ADAM10: variants seen among roughly 807,000 people sequenced by gnomAD.
The protein encoded by ADAM10 is disintegrin and metalloproteinase domain-containing protein 10.
Under a neutral mutation model 90.1 loss-of-function variants are expected in ADAM10, and 17 were observed. The observed-to-expected ratio is 0.19, with a 90% CI of 0.13 to 0.28. ADAM10 has a LOEUF of 0.28. Ranked by LOEUF, ADAM10 falls within the 10% of genes least tolerant of loss-of-function variation. The pLI, the probability that ADAM10 is intolerant of heterozygous loss-of-function variation, is 1.00. For synonymous variants in ADAM10, 310 were observed against 298.6 expected, an observed-to-expected ratio of 1.04 and a Z score of -0.40; for missense variants, 610 against 914.3, an observed-to-expected ratio of 0.67 and a Z score of 4.29.
intron 1 of ADAM10, among the ~76,000 whole-genome samples, chr15:58,736,191 G>A (rs1255652282): frequency 1.3e-5 from 2 of 152,132 alleles, no homozygotes; most frequent in African/African-American, 4.8e-5. Context: ...TCAAGGCTAT[G>A]TTATTGTGCT....
intron 1 of ADAM10, among the ~76,000 whole-genome samples, chr15:58,721,886 G>A (rs1175315869): frequency 6.6e-6 from 1 of 151,090 alleles, no homozygotes; most frequent in Non-Finnish European, 1.5e-5. Flanking sequence ...AAAATAGCTG[G>A]GCATGGTGGC....
At chr15:58,717,780 A>G in intron 1 of ADAM10, 53 bp from the exon 2 acceptor site, 1 of 1,581,086 alleles carries the variant, frequency 6.3e-7, no homozygotes, top group Non-Finnish European at 8.6e-7. Context: ...GACCCCTTCT[A>G]GTTCTAACAC....
intron 4 of ADAM10, 40 bp from the exon 5 acceptor site, chr15:58,665,237 T>C (rs1897052948): frequency 7.2e-7 from 1 of 1,388,328 alleles, no homozygotes; most frequent in Non-Finnish European, 1.0e-6. Context: ...ATCACACATT[T>C]AGGTATAACC....
chr15:58,623,686 C>T lies in ADAM10; in HGVS notation c.1361-2065G>A, dbSNP rs370311057. On this transcript the variant is annotated intron_variant, in intron 10 of 15. Transcript: ENST00000260408. ...CAGGGACATGGATGAAGCTAGAAGC[C>T]ATCATACCCAGAAAACTAACACAGG... Among the ~76,000 whole-genome samples, 4 of 152,196 alleles carry T rather than the reference C, an allele frequency of 2.6e-5. No homozygotes were observed. The East Asian group carries it at 7.7e-4, about 29-fold the overall frequency.
intron 2 of ADAM10, among the ~76,000 whole-genome samples, chr15:58,704,379 T>C (rs932665128): frequency 2.0e-5 from 3 of 152,144 alleles, no homozygotes; most frequent in African/African-American, 4.8e-5. Flanking sequence ...ATGGTGACGG[T>C]TGCACAACGT....
chr15:58,632,421 C>G lies in ADAM10; in HGVS notation c.1176+775G>C, dbSNP rs116888857. On this transcript the variant is annotated intron_variant, in intron 9 of 15. Coordinates refer to ENST00000260408, the MANE Select transcript of ADAM10 (RefSeq NM_001110.4). ...ATGTCAAAATCTTCACAATTATTGG[C>G]TCTGAATTAGGGGTTGACAAAGTAG... Among the ~76,000 whole-genome samples, 231 of 152,252 alleles carry G rather than the reference C, an allele frequency of 1.5e-3. 1 individual carries two copies. Among genetic ancestry groups the G allele is most frequent in the Non-Finnish European group, 2.8e-3 (188 of 68,008 alleles).
At chr15:58,698,368 T>G (rs1247556262) in intron 2 of ADAM10, 2 of 400,982 alleles carry the variant, frequency 5.0e-6, no homozygotes, top group Non-Finnish European at 4.8e-6. Context: ...ACCCAGGAGT[T>G]TGAGACCAGC....
intron 1 of ADAM10, among the ~76,000 whole-genome samples, chr15:58,738,895 G>C (rs1271271228): frequency 6.6e-6 from 1 of 152,030 alleles, no homozygotes; most frequent in Non-Finnish European, 1.5e-5. Flanking sequence ...CAGTAATAGA[G>C]TATGACTTTC....
At chr15:58,610,686 T>C (rs1452755370) in intron 13 of ADAM10, 169 bp from the exon 14 acceptor site, 29 of 720,012 alleles carry the variant, frequency 4.0e-5, no homozygotes, top group Non-Finnish European at 2.4e-6. Flanking sequence ...GTAATTCATA[T>C]TAAATGTTAC....
rs1361294567 is a variant in ADAM10 at position 58,619,903 on chromosome 15, C to CA, written c.1511+1567dup. On this transcript the variant is annotated intron_variant, in intron 11 of 15. Coordinates refer to ENST00000260408, the MANE Select transcript of ADAM10 (RefSeq NM_001110.4). ...TGGGCGACAGTGCAAGACTCCATCT[C>CA]AAAAAAAAAAATTTAAAAAAAGGAA... 1.6e-3 allele frequency among the ~76,000 whole-genome samples: 222 copies of CA among 142,498 alleles called. 2 individuals are homozygous for CA. Among genetic ancestry groups the CA allele is most frequent in the African/African-American group, 4.7e-3 (183 of 38,776 alleles). The allele number at this position is 142,498 out of a possible 152,430, so 93.5% of individuals were successfully genotyped here.
At chr15:58,607,499 C>G (rs1895310660) in intron 14 of ADAM10, among the ~76,000 whole-genome samples, 1 of 152,106 alleles carries the variant, frequency 6.6e-6, no homozygotes, top group Admixed American at 6.5e-5. Flanking sequence ...ATTCATTTGA[C>G]CATTGAAGGC....
intron 1 of ADAM10, 84 bp downstream of exon 1, chr15:58,749,396 C>T: frequency 7.7e-7 from 1 of 1,302,478 alleles, no homozygotes; most frequent in Non-Finnish European, 9.8e-7. Flanking sequence ...ACGCGCACGC[C>T]GCGAGGCGCG....
intron 8 of ADAM10, among the ~76,000 whole-genome samples, chr15:58,638,685 C>T (rs1317241980): frequency 6.6e-6 from 1 of 151,622 alleles, no homozygotes; most frequent in Non-Finnish European, 1.5e-5. Context: ...ACTCTCCCCA[C>T]CTCAGGAAAA....
chr15:58,720,639 G>A (rs1292431300), intron 1 of ADAM10, among the ~76,000 whole-genome samples: 3 of 150,566 alleles, frequency 2.0e-5, no homozygotes, highest in Admixed American at 1.3e-4. Context: ...CTGACCTCGT[G>A]ATCCGCCCAC....
intron 14 of ADAM10, among the ~76,000 whole-genome samples, chr15:58,605,369 G>C (rs1895240137): frequency 1.3e-5 from 2 of 152,042 alleles, no homozygotes; most frequent in South Asian, 2.1e-4. Context: ...CATGGCAATA[G>C]ACAAAAGACA....
intron 14 of ADAM10, among the ~76,000 whole-genome samples, chr15:58,605,074 C>A (rs764950449): frequency 6.6e-5 from 10 of 152,132 alleles, no homozygotes; most frequent in Non-Finnish European, 1.3e-4. Flanking sequence ...CGAGTACACG[C>A]TATGGCAGTA....
In ADAM10 at chr15:58,599,594, T is replaced by C; in HGVS notation, c.2152+4A>G. The C allele has an allele frequency of 6.2e-7, 1 of 1,613,112 alleles. No homozygotes were observed. The highest frequency in any genetic ancestry group is 8.5e-7 in the Non-Finnish European group (1 of 1,179,336). On this transcript the variant is annotated splice_donor_region_variant and intron_variant, in intron 15 of 15. Transcript: ENST00000260408. ...AAATATGTATCTTGCTCAAATATTC[T>C]TACCTGGAAGTGGTTTAGGAGGAGG...
intron 1 of ADAM10, among the ~76,000 whole-genome samples, chr15:58,741,039 AG>A (rs1477365674): frequency 2.6e-5 from 4 of 152,202 alleles, no homozygotes; most frequent in East Asian, 3.9e-4. Flanking sequence ...TCCTAGGAAA[AG>A]GGGTAGTAAA....
chr15:58,678,336 T>C (rs1341505011), intron 4 of ADAM10, among the ~76,000 whole-genome samples: 1 of 152,062 alleles, frequency 6.6e-6, no homozygotes, highest in Non-Finnish European at 1.5e-5. Flanking sequence ...AAGAATAAAA[T>C]CATTGACAAT....
Sources: gnomAD v4.1 joint callset for allele counts (sites outside exome capture counted in the v4.1 genomes callset) on GRCh38, gnomAD v4.1.1 for gene constraint, MANE v1.5 for transcripts, NCBI Gene and HGNC (gene_info 2026-07-23, HGNC 2026-07-21) for gene names.